Variants in ADCY5 observed in about 807,000 individuals in gnomAD.
The protein encoded by ADCY5 is adenylate cyclase 5, also known as adenylate cyclase type 5.
In ADCY5, 30 loss-of-function variants were observed where a neutral mutation model predicts 119.7. The ratio of observed to expected loss-of-function variants is 0.25; its 90% confidence interval spans 0.19 to 0.34. The LOEUF is 0.34. ADCY5 is among the 10% of genes least tolerant of loss of function. The pLI, the probability that ADCY5 is intolerant of heterozygous loss-of-function variation, is 1.00. For missense variants in ADCY5, 1,324 were observed against 1,775.2 expected (o/e 0.75, Z 4.57); for synonymous variants, 753 against 762.2 (o/e 0.99, Z 0.20).
intron 1 of ADCY5, among the ~76,000 whole-genome samples, chr3:123,386,437 C>T (rs1228655978): frequency 6.6e-6 from 1 of 152,238 alleles, no homozygotes; most frequent in Non-Finnish European, 1.5e-5. Context: ...TATGTGCTCT[C>T]TGGAAGGAAC....
chr3:123,330,960 C>T lies in ADCY5; in HGVS notation c.1575G>A (p.Gly525=). Residue 525 remains glycine, a synonymous_variant, in exon 5 of 21, where the codon GGG becomes GGA. Coordinates refer to ENST00000462833, the MANE Select transcript of ADCY5 (RefSeq NM_183357.3). ...CGTGGTCAGCCCTTGCTTCAGGCAGCCCCGAGACGCAGTAATAACAATCCC... is the reference window on the plus strand; with the variant it reads ...CGTGGTCAGCCCTTGCTTCAGGCAGTCCCGAGACGCAGTAATAACAATCCC... ...ILGDCYYCVS[G]LPEARADHAH... The T allele has an allele frequency of 6.2e-7, 1 of 1,614,078 alleles. No homozygotes were observed. The highest frequency in any genetic ancestry group is 1.1e-5 in the South Asian group (1 of 91,082).
At chr3:123,413,416 G>T (rs1019437928) in intron 1 of ADCY5, among the ~76,000 whole-genome samples, 3 of 152,172 alleles carry the variant, frequency 2.0e-5, no homozygotes, top group African/African-American at 7.2e-5. Context: ...AGCCTGAGCA[G>T]GGAGGGAGAT....
intron 11 of ADCY5, among the ~76,000 whole-genome samples, chr3:123,315,736 T>C (rs541817118): frequency 5.9e-5 from 9 of 152,118 alleles, no homozygotes; most frequent in Non-Finnish European, 8.8e-5. Flanking sequence ...CCACCATACC[T>C]AGCTGATTTT....
chr3:123,305,217 G>A (rs1229615466), intron 12 of ADCY5, among the ~76,000 whole-genome samples: 1 of 152,162 alleles, frequency 6.6e-6, no homozygotes, highest in East Asian at 1.9e-4. Context: ...GGTGAGTGAA[G>A]CAGGCAAAGG....
chr3:123,336,579 C>T (rs578133468), intron 3 of ADCY5, among the ~76,000 whole-genome samples: 9 of 152,170 alleles, frequency 5.9e-5, no homozygotes, highest in Non-Finnish European at 1.0e-4. Context: ...GGACTGCCAC[C>T]GAGCAGAGTA....
rs551612134 is a variant in ADCY5, at chr3:123,389,415, T to A, written c.1135-36834A>T. Among the ~76,000 whole-genome samples the A allele has an allele frequency of 1.1e-4, 16 of 152,300 alleles. No homozygotes were observed. In the South Asian group the frequency reaches 3.1e-3, roughly 30 times the overall value. On this transcript the variant is annotated intron_variant, in intron 1 of 20. Transcript: ENST00000462833. Reference sequence around the variant, plus strand: ...TCCTCTGGACTAGGATTTGTAGTCCTGACCACTCTCCCTGCCTCAATCTTC... The same window carrying A: ...TCCTCTGGACTAGGATTTGTAGTCCAGACCACTCTCCCTGCCTCAATCTTC...
At position 123,318,056 on chromosome 3, in the gene ADCY5, A is replaced by G. The variant is rs367730785; in HGVS notation, c.2318T>C (p.Leu773Pro). The change falls in exon 11 of 21, where the codon CTC becomes CCC. Residue 773 changes from leucine (L) to proline (P), a missense_variant. Physicochemically the swap from Leu to Pro is moderately conservative, Grantham distance 98 (BLOSUM62 -3). Transcript: ENST00000462833. ...GGTGATCTGGACAAAGCAGATGAAG[A>G]GGAAGACGAGCGAGGCACACGCCAC... ...AYVACASLVF[L>P]FICFVQITIV... 7 of 1,613,864 alleles carry G rather than the reference A, an allele frequency of 4.3e-6. No individual in the cohort carries two copies. In the African/African-American group the frequency reaches 6.7e-5, roughly 15 times the overall value.
intron 1 of ADCY5, among the ~76,000 whole-genome samples, chr3:123,414,283 C>G (rs1945133078): frequency 6.6e-6 from 1 of 152,248 alleles, no homozygotes; most frequent in Admixed American, 6.5e-5. Flanking sequence ...ACACCCACGC[C>G]CCACCTGCAC....
intron 6 of ADCY5, among the ~76,000 whole-genome samples, 171 bp from the exon 7 acceptor site, chr3:123,327,930 C>T (rs560426657): frequency 1.3e-5 from 2 of 152,338 alleles, no homozygotes; most frequent in South Asian, 4.1e-4. Flanking sequence ...CCATTACTAT[C>T]AAGTGGGCTC....
chr3:123,325,304 G>T lies in ADCY5; in HGVS notation c.2088+18C>A, dbSNP rs747398668. 1.2e-6 allele frequency: 2 copies of T among 1,613,596 alleles called. No individual in the cohort carries two copies. The highest frequency in any genetic ancestry group is 1.7e-6 in the Non-Finnish European group (2 of 1,179,648). ...CCTTGGAGAGTGTTGCCCACAGGCT[G>T]CCCCACCAGCCACTCACCATCCGCT... On this transcript the variant is annotated intron_variant, in intron 8 of 20. Transcript: ENST00000462833.
At chr3:123,350,909 G>A (rs1339965546) in intron 2 of ADCY5, among the ~76,000 whole-genome samples, 1 of 152,164 alleles carries the variant, frequency 6.6e-6, no homozygotes, top group African/African-American at 2.4e-5. Flanking sequence ...GCTGAGGCCT[G>A]GAATGGGGAT....
chr3:123,314,593 G>A (rs1443766609), intron 11 of ADCY5, among the ~76,000 whole-genome samples: 4 of 152,178 alleles, frequency 2.6e-5, no homozygotes, highest in Non-Finnish European at 5.9e-5. Context: ...CTCCCCTTCC[G>A]GTGGAGACAG....
chr3:123,444,940 A>C (rs993270433), intron 1 of ADCY5, among the ~76,000 whole-genome samples: 3 of 152,240 alleles, frequency 2.0e-5, no homozygotes, highest in Non-Finnish European at 4.4e-5. Flanking sequence ...AACCTGAGGC[A>C]GAGGTTAATG....
chr3:123,302,634 A>G (rs1939913054), intron 14 of ADCY5, among the ~76,000 whole-genome samples: 2 of 152,194 alleles, frequency 1.3e-5, no homozygotes, highest in East Asian at 1.9e-4. Context: ...GAGCTGGACA[A>G]CTTGAATGAG....
intron 18 of ADCY5, 25 bp from the exon 19 acceptor site, chr3:123,289,979 G>T: frequency 6.2e-7 from 1 of 1,612,138 alleles, no homozygotes; most frequent in South Asian, 1.1e-5. Flanking sequence ...CCAAACCTGG[G>T]TCACCCCAAG....
chr3:123,320,102 A>G (rs962637365), intron 9 of ADCY5, among the ~76,000 whole-genome samples: 13 of 152,350 alleles, frequency 8.5e-5, no homozygotes, highest in Middle Eastern at 3.4e-3. Context: ...TAGCATAACA[A>G]TGTGAGCTAC....
chr3:123,288,947 C>T (rs180709287), intron 19 of ADCY5, among the ~76,000 whole-genome samples: 3 of 152,302 alleles, frequency 2.0e-5, no homozygotes, highest in East Asian at 3.9e-4. Flanking sequence ...CTGTCACAAC[C>T]TCCTCACCAT....
At chr3:123,439,153 C>T (rs920126527) in intron 1 of ADCY5, among the ~76,000 whole-genome samples, 1 of 141,536 alleles carries the variant, frequency 7.1e-6, no homozygotes, top group Non-Finnish European at 1.5e-5. Flanking sequence ...CTGCAAGCTC[C>T]GCCTCCTGGG....
In ADCY5 at chr3:123,286,604, G is replaced by A; in HGVS notation, c.3657+81C>T. 1 of 1,492,732 alleles carries A rather than the reference G, an allele frequency of 6.7e-7. No homozygotes were observed. Among genetic ancestry groups the A allele is most frequent in the African/African-American group, 1.4e-5 (1 of 71,200 alleles). The allele number at this position is 1,492,732 out of a possible 1,614,324, so 92.5% of individuals were successfully genotyped here. On this transcript the variant is annotated intron_variant, in intron 20 of 20. Transcript: ENST00000462833. The surrounding 1 kb of genome is among the most constrained non-coding windows in gnomAD (Gnocchi z 4.2). ...GCAGACATTCTGACTGGGAACTGTA[G>A]GTGGCCTGCCCTGAAGACCTCTCGG...
Sources: gnomAD v4.1 joint callset for allele counts (sites outside exome capture counted in the v4.1 genomes callset) on GRCh38, gnomAD v4.1.1 for gene constraint, Gnocchi (gnomAD v3.1) non-coding constraint, MANE v1.5 for transcripts, NCBI Gene and HGNC (gene_info 2026-07-23, HGNC 2026-07-21) for gene names.